The following RNF213 variants were observed in gnomAD, a reference collection of about 807,000 sequenced individuals.
The protein encoded by RNF213 is ring finger protein 213.
A neutral mutation model predicts 514.4 loss-of-function variants in RNF213; 341 were observed. The observed-to-expected ratio is 0.66, with a 90% confidence interval of 0.61 to 0.73. RNF213 has a LOEUF of 0.73. RNF213 is among the 30% of genes least tolerant of loss of function. The pLI is 0.00. For synonymous variants in RNF213, 2,655 were observed against 2,658.2 expected (o/e 1.00, Z 0.04); for missense variants, 5,767 against 6,615.6 (o/e 0.87, Z 4.45).
chr17:80,281,793 C>G (rs1278304744), intron 3 of RNF213, among the ~76,000 whole-genome samples: 1 of 152,198 alleles, frequency 6.6e-6, no homozygotes, highest in Non-Finnish European at 1.5e-5. Flanking sequence ...GATGCCCAGT[C>G]CCAGATATGA....
chr17:80,367,689 G>C, intron 42 of RNF213, 59 bp from the exon 43 acceptor site: 1 of 1,413,478 alleles, frequency 7.1e-7, no homozygotes, highest in Non-Finnish European at 1.0e-6. Context: ...TCTGTCGCCC[G>C]GCCTGGCCGC....
chr17:80,284,752 C>T (rs1291666041), intron 3 of RNF213, among the ~76,000 whole-genome samples: 1 of 152,162 alleles, frequency 6.6e-6, no homozygotes, highest in African/African-American at 2.4e-5. Flanking sequence ...TCCCGTTACT[C>T]CCTCGTGCCA....
intron 15 of RNF213, chr17:80,315,978 CATG>C (rs2045934860): frequency 3.3e-5 from 2 of 61,444 alleles, no homozygotes; most frequent in African/African-American, 6.2e-5. Flanking sequence ...TACTGGAGGT[CATG>C]GTGGTGGTGG....
At chr17:80,296,150 G>A (rs2044936813) in intron 10 of RNF213, among the ~76,000 whole-genome samples, 1 of 152,160 alleles carries the variant, frequency 6.6e-6, no homozygotes, top group Non-Finnish European at 1.5e-5. Context: ...CTCCTTAGTA[G>A]CAGGGACTAC....
At position 80,332,268 on chromosome 17, in the gene RNF213, C is replaced by T. The variant is rs139471994; in HGVS notation, c.3780C>T (p.Pro1260=). The change falls in exon 21 of 68, where the codon CCC becomes CCT. Residue 1260 remains proline (P), a synonymous_variant. Transcript: ENST00000582970. ...AAGCCGCAGAGTTGCTGAGTGAGCCCGAAGAAGAATCAGAAAGGCACATCC... is the reference window on the plus strand; with the variant it reads ...AAGCCGCAGAGTTGCTGAGTGAGCCTGAAGAAGAATCAGAAAGGCACATCC... The part of the protein sequence containing the change: ...DQEAAELLSE[P]EEESERHILE... 5,123 of 1,537,122 alleles carry T rather than the reference C, an allele frequency of 3.3e-3. 31 individuals carry two copies. The highest frequency in any genetic ancestry group is 0.014 in the Middle Eastern group (82 of 5,990).
intron 50 of RNF213, 197 bp downstream of exon 50, chr17:80,374,786 C>T: frequency 1.7e-6 from 1 of 603,794 alleles, no homozygotes; most frequent in Non-Finnish European, 3.0e-6. Context: ...TGGAACAGGA[C>T]AGCTATGACA....
In RNF213 at chr17:80,340,003, G is replaced by A. The variant is rs373778920; in HGVS notation, c.5636G>A (p.Arg1879His). The A allele has an allele frequency of 6.5e-6, 10 of 1,538,850 alleles. No individual in the cohort carries two copies. The highest frequency in any genetic ancestry group is 1.4e-5 in the African/African-American group (1 of 73,050). Residue 1879 changes from arginine to histidine, a missense_variant, in exon 26 of 68, where the codon CGC becomes CAC. By Grantham distance (29) the Arg-to-His change is conservative. Around this residue, in one of 13 missense-constraint regions of RNF213, gnomAD observed 1,377 missense variants for 1,635.2 expected, o/e 0.84. Coordinates refer to ENST00000582970, the MANE Select transcript of RNF213 (RefSeq NM_001256071.3). ...TTFEEVALLL[R>H]RCLTLGSLGH... ...TTTGAGGAGGTGGCACTGTTGCTGCGCCGCTGCCTGACCCTGGGCTCCCTG... is the reference window on the plus strand; with the variant it reads ...TTTGAGGAGGTGGCACTGTTGCTGCACCGCTGCCTGACCCTGGGCTCCCTG...
chr17:80,334,096 T>C lies in RNF213; in HGVS notation c.4144-9T>C, dbSNP rs1187497440. 4 of 1,537,170 alleles carry C rather than the reference T, an allele frequency of 2.6e-6. No homozygotes were observed. Among genetic ancestry groups the C allele is most frequent in the Non-Finnish European group, 3.5e-6 (4 of 1,146,868 alleles). Reference sequence around the variant, plus strand: ...GAGTTCCAGTCCACAGTAGAGCTTTTTCTTGCAGACTGATAACTTCGACGA... The same window carrying C: ...GAGTTCCAGTCCACAGTAGAGCTTTCTCTTGCAGACTGATAACTTCGACGA... On this transcript the variant is annotated splice_polypyrimidine_tract_variant and intron_variant, in intron 21 of 67. Transcript: ENST00000582970.
At position 80,393,652 on chromosome 17, in the gene RNF213, C is replaced by A; in HGVS notation, c.*154C>A. 1 of 763,498 alleles carries A rather than the reference C, an allele frequency of 1.3e-6. No individual in the cohort carries two copies. 47.3% of individuals were successfully genotyped at this position (763,498 alleles called of 1,614,324 possible). On this transcript the variant is annotated 3_prime_UTR_variant, in exon 68 of 68. Transcript: ENST00000582970. ...TCAAGACCAAGGCGTGCTACCTGAG[C>A]TGACAGCTTTTTGAAAGCCGAGCTG...
Position 80,317,797 on chromosome 17 carries a change from T to G in RNF213, c.2901+520T>G, listed in dbSNP as rs540378106. ...TATCAGCTCAGTGGGTCCCTTGCCT[T>G]GTTGCCTAGGGTGGCTGCCCTCTGC... On this transcript the variant is annotated intron_variant, in intron 16 of 67. Coordinates refer to ENST00000582970, the MANE Select transcript of RNF213 (RefSeq NM_001256071.3). This position sits in a 1 kb window ranked among gnomAD's most constrained non-coding sequence, Gnocchi z 4.1. 6.6e-6 allele frequency among the ~76,000 whole-genome samples: 1 copy of G among 152,312 alleles called. No individual in the cohort carries two copies. Among genetic ancestry groups the G allele is most frequent in the South Asian group, 2.1e-4 (1 of 4,826 alleles).
intron 63 of RNF213, among the ~76,000 whole-genome samples, chr17:80,387,840 T>G (rs1037672995): frequency 1.3e-5 from 2 of 152,164 alleles, no homozygotes; most frequent in African/African-American, 4.8e-5. Flanking sequence ...GCAGGCACTT[T>G]CCCATCTCTG....
Position 80,343,135 on chromosome 17 carries a change from A to C in RNF213, c.5993A>C (p.Lys1998Thr). The C allele has an allele frequency of 3.7e-6, 6 of 1,613,200 alleles. No homozygotes were observed. Among genetic ancestry groups the C allele is most frequent in the Non-Finnish European group, 5.1e-6 (6 of 1,179,196 alleles). ...IVASERAGVG[K>T]SLYVKRLHDK... The stretch of plus-strand genomic sequence containing the variant: ...AATTTCTGTATTAATGTTATAGGAA[A>C]GTCTCTGTACGTGAAGAGGTTGCAC... Residue 1998 changes from lysine (K) to threonine (T), a missense_variant, in exon 27 of 68, where the codon AAG becomes ACG. This residue lies in a region of RNF213 where 1,377 missense variants were observed against 1,635.2 expected (regional missense o/e 0.84). Transcript: ENST00000582970. The surrounding 1 kb of genome is among the most constrained non-coding windows in gnomAD (Gnocchi z 4.3).
intron 41 of RNF213, 147 bp from the exon 42 acceptor site, chr17:80,364,286 G>A: frequency 9.4e-7 from 1 of 1,066,450 alleles, no homozygotes; most frequent in Non-Finnish European, 1.4e-6. Flanking sequence ...GGGCCAGGAA[G>A]TATGTCACAT....
At chr17:80,368,288 G>GT in intron 44 of RNF213, 145 bp downstream of exon 44, 1 of 832,790 alleles carries the variant, frequency 1.2e-6, no homozygotes, top group Non-Finnish European at 2.0e-6. Flanking sequence ...CGCCACTTAC[G>GT]TACTTTCATA....
chr17:80,351,613 T>C, intron 31 of RNF213, 72 bp from the exon 32 acceptor site: 1 of 860,988 alleles, frequency 1.2e-6, no homozygotes, highest in Non-Finnish European at 1.9e-6. Flanking sequence ...ACAGCTTTGC[T>C]TTGTTTATTT....
chr17:80,362,306 A>G (rs1393434122), intron 39 of RNF213, among the ~76,000 whole-genome samples: 1 of 152,236 alleles, frequency 6.6e-6, no homozygotes, highest in Non-Finnish European at 1.5e-5. Flanking sequence ...GAGAGTGACA[A>G]ATTTAAGAAC....
intron 37 of RNF213, among the ~76,000 whole-genome samples, chr17:80,359,016 C>A (rs947652907): frequency 6.6e-6 from 1 of 152,192 alleles, no homozygotes; most frequent in African/African-American, 2.4e-5. Context: ...CCCAGCATGG[C>A]GTGACACGGA....
intron 22 of RNF213, among the ~76,000 whole-genome samples, chr17:80,334,682 A>G (rs968942740): frequency 1.3e-5 from 2 of 151,112 alleles, no homozygotes; most frequent in Non-Finnish European, 2.9e-5. Context: ...GCTGGAGTGC[A>G]GTGGCGTGAT....
chr17:80,332,322 G>A lies in RNF213; in HGVS notation c.3834G>A (p.Leu1278=). ...AGCTTGAAGAGGTGTATGACTATTT[G>A]TATCAGCCTTCTTACAGAAAGTTCA... is the stretch of plus-strand genomic sequence containing the variant. The part of the protein sequence containing the change: ...ILELEEVYDY[L]YQPSYRKFIK... The change falls in exon 21 of 68, where the codon TTG becomes TTA. Residue 1278 remains leucine, a synonymous_variant. Transcript: ENST00000582970. 1.3e-6 allele frequency: 2 copies of A among 1,537,234 alleles called. No homozygotes were observed. Among genetic ancestry groups the A allele is most frequent in the Non-Finnish European group, 1.7e-6 (2 of 1,146,920 alleles).
Sources: gnomAD v4.1 joint callset for allele counts (sites outside exome capture counted in the v4.1 genomes callset) on GRCh38, gnomAD v4.1.1 for gene constraint, gnomAD v4.1.1 regional missense constraint, Gnocchi (gnomAD v3.1) non-coding constraint, MANE v1.5 for transcripts, NCBI Gene and HGNC (gene_info 2026-07-23, HGNC 2026-07-21) for gene names.